Variants in PCDH15 observed in about 807,000 individuals in gnomAD.
The protein encoded by PCDH15 is protocadherin related 15.
PCDH15 carries 129 observed loss-of-function variants against 178.5 expected under a neutral mutation model. That is an observed-to-expected ratio of 0.72 (90% CI 0.63 to 0.84). The LOEUF is 0.84. Ranked by LOEUF, PCDH15 falls within the 40% of genes least tolerant of loss-of-function variation. The pLI, the probability that PCDH15 is intolerant of heterozygous loss-of-function variation, is 0.00. For synonymous variants in PCDH15, 800 were observed against 732.0 expected, an observed-to-expected ratio of 1.09 and a Z score of -1.50; for missense variants, 2,230 against 2,099.9, an observed-to-expected ratio of 1.06 and a Z score of -1.21.
intron 12 of PCDH15, among the ~76,000 whole-genome samples, chr10:54,184,311 G>A (rs1265876893): frequency 6.6e-6 from 1 of 151,974 alleles, no homozygotes; most frequent in Non-Finnish European, 1.5e-5. Flanking sequence ...TACATATCTT[G>A]TTTAACTTGT....
intron 2 of PCDH15, among the ~76,000 whole-genome samples, chr10:55,434,893 A>G (rs948985224): frequency 7.9e-5 from 12 of 152,162 alleles, no homozygotes; most frequent in African/African-American, 2.9e-4. Context: ...GTGAGCCACC[A>G]CACCCAGCCT....
intron 9 of PCDH15, among the ~76,000 whole-genome samples, chr10:54,218,649 C>T (rs1475201636): frequency 1.3e-5 from 2 of 152,156 alleles, no homozygotes; most frequent in African/African-American, 4.8e-5. Context: ...GCCTCCAGAA[C>T]TGTGAGAAAA....
chr10:53,959,669 G>A (rs575304434), intron 23 of PCDH15, 63 bp downstream of exon 23: 73 of 1,242,606 alleles, frequency 5.9e-5, no homozygotes, highest in South Asian at 4.9e-4. Context: ...TCAATTTTGA[G>A]AGACTCCTTT....
intron 26 of PCDH15, among the ~76,000 whole-genome samples, chr10:53,895,402 TTTTC>T (rs1381773229): frequency 1.3e-5 from 2 of 152,192 alleles, no homozygotes; most frequent in Admixed American, 6.5e-5. Flanking sequence ...CACAATATTA[TTTTC>T]TTTTAGTCCA....
chr10:55,336,079 T>A (rs1588926453), intron 2 of PCDH15, among the ~76,000 whole-genome samples: 1 of 144,936 alleles, frequency 6.9e-6, no homozygotes, highest in East Asian at 2.0e-4. Context: ...TAGGATGTGA[T>A]GTGTTTCAGC....
At chr10:55,137,905 A>G (rs1047711999) in intron 2 of PCDH15, among the ~76,000 whole-genome samples, 9 of 152,168 alleles carry the variant, frequency 5.9e-5, no homozygotes, top group Non-Finnish European at 1.2e-4. Flanking sequence ...GCAGGAGGGT[A>G]GTAACGATTG....
At chr10:55,239,975 A>C (rs1270153273) in intron 1 of PCDH15, among the ~76,000 whole-genome samples, 2 of 152,178 alleles carry the variant, frequency 1.3e-5, no homozygotes, top group Non-Finnish European at 2.9e-5. Context: ...TGCAAATCAA[A>C]TCTACAATGA....
intron 1 of PCDH15, among the ~76,000 whole-genome samples, chr10:55,251,695 C>T (rs1050635485): frequency 1.3e-5 from 2 of 152,142 alleles, no homozygotes; most frequent in African/African-American, 4.8e-5. Context: ...TGAATGTCCA[C>T]AGGTCCAATT....
chr10:55,288,183 G>A (rs1398391050), intron 1 of PCDH15, among the ~76,000 whole-genome samples: 24 of 150,278 alleles, frequency 1.6e-4, no homozygotes, highest in Admixed American at 1.5e-3. Flanking sequence ...CCCAGGTATA[G>A]AGTAACGGCA....
chr10:54,562,005 T>TTTTTTG (rs2088247165), intron 2 of PCDH15, among the ~76,000 whole-genome samples: 1 of 126,872 alleles, frequency 7.9e-6, no homozygotes, highest in Non-Finnish European at 1.7e-5. Context: ...TTTTTTTTTT[T>TTTTTTG]CCTGAGATTG....
Position 54,378,847 on chromosome 10 carries a change from C to A in PCDH15, c.253G>T (p.Val85Leu). 6.2e-7 allele frequency: 1 copy of A among 1,613,880 alleles called. No homozygotes were observed. The highest frequency in any genetic ancestry group is 8.5e-7 in the Non-Finnish European group (1 of 1,179,872). ...ATTTGCTTAACAGGATCCATCAACA[C>A]CCAGTAATCCACATTATCCTTTAAA... ...LSLKDNVDYW[V>L]LMDPVKQMLF... The change falls in exon 4 of 38, where the codon GTG (valine) becomes TTG (leucine). Residue 85 changes from valine to leucine, a missense_variant. Transcript: ENST00000644397.
intron 2 of PCDH15, chr10:54,606,569 G>A (rs888581903): frequency 6.6e-6 from 1 of 152,040 alleles, no homozygotes; most frequent in African/African-American, 2.4e-5. Context: ...AAAAATTTTA[G>A]AATTTTGTGC....
rs572091127 is a variant in PCDH15, at chr10:55,224,390, A to T, written c.-155-57739T>A. ...TGACTAGGTGGTAGAGGCAGACAGG[A>T]AGTGAGCTAGTTCTGAGTCTGTGCT... On this transcript the variant is annotated intron_variant, in intron 1 of 5. Coordinates refer to the PCDH15 transcript ENST00000458638. Among the ~76,000 whole-genome samples, 16 of 152,212 alleles carry T rather than the reference A, an allele frequency of 1.1e-4. No homozygotes were observed. The South Asian group carries it at 2.3e-3, about 22-fold the overall frequency.
intron 3 of PCDH15, among the ~76,000 whole-genome samples, chr10:54,878,152 G>A (rs923042171): frequency 1.5e-4 from 22 of 151,312 alleles, no homozygotes; most frequent in African/African-American, 4.9e-4. Context: ...TAGTAGAGAC[G>A]GGGTTTCGCC....
chr10:55,576,322 C>T (rs750150006), intron 2 of PCDH15, among the ~76,000 whole-genome samples: 16 of 152,268 alleles, frequency 1.1e-4, no homozygotes, highest in Admixed American at 2.6e-4. Flanking sequence ...AGTGGATCAT[C>T]ATAAGGGTCT....
chr10:55,147,074 T>C (rs1278803831), intron 2 of PCDH15, among the ~76,000 whole-genome samples: 1 of 151,730 alleles, frequency 6.6e-6, no homozygotes, highest in Non-Finnish European at 1.5e-5. Flanking sequence ...TAGCAGTTGT[T>C]ATTAGAAAAT....
At chr10:54,520,903 T>C (rs1202570080) in intron 3 of PCDH15, among the ~76,000 whole-genome samples, 3 of 151,932 alleles carry the variant, frequency 2.0e-5, no homozygotes, top group East Asian at 1.9e-4. Context: ...GATGAGTTCA[T>C]GTCCTTTGTA....
chr10:54,170,382 T>A (rs374722734), intron 13 of PCDH15, among the ~76,000 whole-genome samples: 1 of 151,856 alleles, frequency 6.6e-6, no homozygotes, highest in Non-Finnish European at 1.5e-5. Flanking sequence ...ACTGTTTTAG[T>A]CTAGCCCTCA....
At chr10:54,251,305 A>G (rs1318608868) in intron 8 of PCDH15, among the ~76,000 whole-genome samples, 3 of 152,216 alleles carry the variant, frequency 2.0e-5, no homozygotes, top group African/African-American at 7.2e-5. Context: ...TTCATAATTA[A>G]CACTTTTGAT....
Sources: allele counts gnomAD v4.1 joint callset (sites outside exome capture counted in the v4.1 genomes callset), GRCh38; gene constraint gnomAD v4.1.1; transcripts MANE v1.5; gene names NCBI Gene and HGNC (gene_info 2026-07-23, HGNC 2026-07-21).